The following NUS1 variants were observed in gnomAD, a reference collection of about 807,000 sequenced individuals.
NUS1 encodes the protein NUS1 dehydrodolichyl diphosphate synthase subunit.
For synonymous variants in NUS1, 135 were observed against 155.2 expected (o/e 0.87, Z 0.97); for missense variants, 292 against 382.9 (o/e 0.76, Z 1.98).
chr6:117,706,470 A>G (rs1416473057), intron 4 of NUS1, among the ~76,000 whole-genome samples: 1 of 152,198 alleles, frequency 6.6e-6, no homozygotes, highest in African/African-American at 2.4e-5. Flanking sequence ...ACGCTTTAAC[A>G]AGTTATGAAT....
intron 4 of NUS1, among the ~76,000 whole-genome samples, chr6:117,705,248 C>T (rs988542072): frequency 7.9e-5 from 12 of 152,120 alleles, no homozygotes; most frequent in Non-Finnish European, 1.5e-4. Context: ...TTTCTCTTAC[C>T]TGGTTTTCTC....
In NUS1 at chr6:117,701,245, CTT is replaced by C. The variant is rs1181868381; in HGVS notation, c.692-2344_692-2343del. On this transcript the variant is annotated intron_variant, in intron 3 of 4. Transcript: ENST00000368494. Reference sequence around the variant, plus strand: ...CTCCATTTATTTGGGTTCTAATTTTCTTTTTTTTTTTTTTTTTGAGATGGAGT... The same window carrying C: ...CTCCATTTATTTGGGTTCTAATTTTCTTTTTTTTTTTTTTTGAGATGGAGT... Among the ~76,000 whole-genome samples, 561 of 120,616 alleles carry C rather than the reference CTT, an allele frequency of 4.7e-3. 4 individuals are homozygous for C. The highest frequency in any genetic ancestry group is 0.014 in the African/African-American group (470 of 34,654). 79.1% of individuals were successfully genotyped at this position (120,616 alleles called of 152,430 possible).
rs550854234 is a variant in NUS1, at chr6:117,675,733, G to T, written c.63G>T (p.Thr21=). ...VLHALLCLHR[T]LTSWLRVRFG... ...ACGCGCTGCTCTGTCTGCACCGCAC[G>T]CTCACCTCCTGGCTCCGCGTTCGGT... Residue 21 remains threonine (T), a synonymous_variant, in exon 1 of 5, where the codon ACG becomes ACT. Transcript: ENST00000368494. The T allele has an allele frequency of 5.5e-4, 849 of 1,537,848 alleles. 9 individuals carry two copies. In the East Asian group the frequency reaches 0.019, roughly 34 times the overall value.
At chr6:117,691,552 G>GATAGATATATATATAT (rs1258674063) in intron 1 of NUS1, among the ~76,000 whole-genome samples, 28 of 37,544 alleles carry the variant, frequency 7.5e-4, no homozygotes, top group African/African-American at 1.8e-3. Context: ...CTGTGCCATA[G>GATAGATATATATATAT]ATATAGATAT....
intron 1 of NUS1, among the ~76,000 whole-genome samples, chr6:117,688,285 GA>G (rs1358533219): frequency 1.3e-5 from 2 of 152,110 alleles, no homozygotes; most frequent in African/African-American, 4.8e-5. Flanking sequence ...GTGGGCAATG[GA>G]CAGAAAGGAA....
chr6:117,693,673 T>C (rs71570861), intron 2 of NUS1, among the ~76,000 whole-genome samples: 1 of 152,352 alleles, frequency 6.6e-6, no homozygotes, highest in African/African-American at 2.4e-5. Context: ...TTTTATTCTG[T>C]GTTACTGCTA....
chr6:117,696,849 TAGTA>T (rs2114689434), intron 3 of NUS1, among the ~76,000 whole-genome samples: 1 of 152,180 alleles, frequency 6.6e-6, no homozygotes, highest in East Asian at 1.9e-4. Flanking sequence ...TCACTGGTAA[TAGTA>T]AGTACACAGA....
At chr6:117,698,443 C>A (rs1773352344) in intron 3 of NUS1, among the ~76,000 whole-genome samples, 1 of 151,732 alleles carries the variant, frequency 6.6e-6, no homozygotes, top group African/African-American at 2.4e-5. Context: ...ATTCCTAGAC[C>A]TACAACCCAC....
At position 117,693,166 on chromosome 6, in the gene NUS1, A is replaced by G. The variant is rs758984555; in HGVS notation, c.540A>G (p.Gln180=). The G allele has an allele frequency of 1.9e-6, 3 of 1,612,212 alleles. No individual in the cohort carries two copies. Among genetic ancestry groups the G allele is most frequent in the African/African-American group, 2.7e-5 (2 of 74,858 alleles). The part of the protein sequence containing the change: ...EFANSNDKDD[Q]VLNCHLAVKV... Reference sequence around the variant, plus strand: ...CAAATAGTAATGACAAAGATGATCAAGGTAAGCATGAGTGTATAATTGAAC... The same window carrying G: ...CAAATAGTAATGACAAAGATGATCAGGGTAAGCATGAGTGTATAATTGAAC... Residue 180 remains glutamine, a splice_region_variant and synonymous_variant, in exon 2 of 5, where the codon CAA becomes CAG. Transcript: ENST00000368494.
At chr6:117,693,294 T>A in intron 2 of NUS1, 127 bp downstream of exon 2, 1 of 1,011,918 alleles carries the variant, frequency 9.9e-7, no homozygotes, top group South Asian at 1.5e-5. Context: ...TCAACATCTT[T>A]AATCATCAGA....
At chr6:117,697,382 T>C (rs1358059252) in intron 3 of NUS1, among the ~76,000 whole-genome samples, 1 of 151,790 alleles carries the variant, frequency 6.6e-6, no homozygotes, top group African/African-American at 2.4e-5. Context: ...GGATAAAAAA[T>C]AAGACCCAAT....
At chr6:117,688,436 T>C (rs1773169869) in intron 1 of NUS1, among the ~76,000 whole-genome samples, 1 of 140,520 alleles carries the variant, frequency 7.1e-6, no homozygotes, top group African/African-American at 2.6e-5. Context: ...AAATAGAGCG[T>C]CAAGAAGGAG....
At chr6:117,701,100 C>A (rs1452827976) in intron 3 of NUS1, among the ~76,000 whole-genome samples, 1 of 148,038 alleles carries the variant, frequency 6.8e-6, no homozygotes, top group East Asian at 2.0e-4. Context: ...GATTGGCTTT[C>A]TAATTTAAAA....
chr6:117,705,409 ACT>A (rs1347825412), intron 4 of NUS1, among the ~76,000 whole-genome samples: 1 of 152,132 alleles, frequency 6.6e-6, no homozygotes, highest in Non-Finnish European at 1.5e-5. Flanking sequence ...AGTTATTTAA[ACT>A]CTCTATATTT....
At position 117,710,388 on chromosome 6, in the gene NUS1, C is replaced by G. The variant is rs1172096494; in HGVS notation, c.*3373C>G. ...GGAAACAAGATTAATGTGAGCAGTTCTCCAAGATCCTAACTGGTGGGACAT... is the reference window on the plus strand; with the variant it reads ...GGAAACAAGATTAATGTGAGCAGTTGTCCAAGATCCTAACTGGTGGGACAT... On this transcript the variant is annotated 3_prime_UTR_variant, in exon 5 of 5. Transcript: ENST00000368494. The G allele has an allele frequency of 6.6e-6, 1 of 152,010 alleles. No individual in the cohort carries two copies. The highest frequency in any genetic ancestry group is 2.4e-5 in the African/African-American group (1 of 41,408). The allele number at this position is 152,010 out of a possible 1,614,324, so 9.4% of individuals were successfully genotyped here.
chr6:117,709,156 C>T lies in NUS1; in HGVS notation c.*2141C>T, dbSNP rs1287447411. 1 of 152,252 alleles carries T rather than the reference C, an allele frequency of 6.6e-6. No individual in the cohort carries two copies. The highest frequency in any genetic ancestry group is 2.4e-5 in the African/African-American group (1 of 41,450). 9.4% of individuals were successfully genotyped at this position (152,252 alleles called of 1,614,324 possible). ...AGTACAATCTCCACAACTTGAATGG[C>T]ATTGGTTGTTCTGTAATTCCTGCCA... On this transcript the variant is annotated 3_prime_UTR_variant, in exon 5 of 5. Transcript: ENST00000368494.
rs369403261 is a variant in NUS1 at position 117,693,113 on chromosome 6, G to C, written c.487G>C (p.Asp163His). Residue 163 changes from aspartate (D) to histidine (H), a missense_variant, in exon 2 of 5, where the codon GAT becomes CAT. Physicochemically the swap from Asp to His is moderately conservative, Grantham distance 81 (BLOSUM62 -1). Coordinates refer to ENST00000368494, the MANE Select transcript of NUS1 (RefSeq NM_138459.5). ...LKQQQELLGL[D>H]CSKYSPEFAN... ...ACAACAGCAAGAACTTCTGGGCCTA[G>C]ATTGTTCAAAATACTCACCAGAATT... 3.7e-6 allele frequency: 6 copies of C among 1,612,502 alleles called. No homozygotes were observed. In the East Asian group the frequency reaches 6.7e-5, roughly 18 times the overall value.
intron 3 of NUS1, among the ~76,000 whole-genome samples, chr6:117,699,996 A>T (rs1291722872): frequency 6.6e-6 from 1 of 152,330 alleles, no homozygotes; most frequent in African/African-American, 2.4e-5. Context: ...TGCCATATAC[A>T]AAAATCAAAT....
chr6:117,706,475 A>G (rs1192081903), intron 4 of NUS1, among the ~76,000 whole-genome samples: 2 of 152,236 alleles, frequency 1.3e-5, no homozygotes, highest in Non-Finnish European at 2.9e-5. Context: ...TTAACAAGTT[A>G]TGAATCTCTC....
Sources: allele counts gnomAD v4.1 joint callset (sites outside exome capture counted in the v4.1 genomes callset), GRCh38; gene constraint gnomAD v4.1.1; transcripts MANE v1.5; gene names NCBI Gene and HGNC (gene_info 2026-07-23, HGNC 2026-07-21).